The following ATRNL1 variants were observed in gnomAD, a reference collection of about 807,000 sequenced individuals.
The protein encoded by ATRNL1 is attractin like 1, also known as attractin-like protein 1.
A neutral mutation model predicts 182.7 loss-of-function variants in ATRNL1; 95 were observed. That is an observed-to-expected ratio of 0.52 (90% CI 0.44 to 0.62). The LOEUF is 0.62. ATRNL1 is among the 20% of genes least tolerant of loss of function. ATRNL1 has a pLI of 0.00. For synonymous variants in ATRNL1, 576 were observed against 568.3 expected (o/e 1.01, Z -0.19); for missense variants, 1,471 against 1,679.5 (o/e 0.88, Z 2.17).
intron 26 of ATRNL1, among the ~76,000 whole-genome samples, chr10:115,643,558 T>G (rs1775242166): frequency 6.6e-6 from 1 of 152,060 alleles, no homozygotes; most frequent in Non-Finnish European, 1.5e-5. Flanking sequence ...ACAAAGAACT[T>G]GAATCTAAAA....
At chr10:115,221,268 G>C (rs1469343473) in intron 9 of ATRNL1, among the ~76,000 whole-genome samples, 3 of 152,146 alleles carry the variant, frequency 2.0e-5, no homozygotes, top group Non-Finnish European at 4.4e-5. Context: ...TGAGAACCCT[G>C]GGATTATATT....
At chr10:115,526,403 C>T (rs1419199852) in intron 25 of ATRNL1, among the ~76,000 whole-genome samples, 1 of 152,202 alleles carries the variant, frequency 6.6e-6, no homozygotes, top group Non-Finnish European at 1.5e-5. Flanking sequence ...GGCCTTCAGT[C>T]TCTCATTATC....
chr10:115,442,303 C>CTCTCTCTCTCTCTCTCTCTATG (rs782157017), intron 21 of ATRNL1, among the ~76,000 whole-genome samples: 1 of 123,766 alleles, frequency 8.1e-6, no homozygotes, highest in Non-Finnish European at 1.7e-5. Flanking sequence ...CTCTCTCTCT[C>CTCTCTCTCTCTCTCTCTCTATG]TGTGTGTATG....
chr10:115,176,154 GTTGT>G (rs374001400), intron 8 of ATRNL1, among the ~76,000 whole-genome samples: 1 of 151,872 alleles, frequency 6.6e-6, no homozygotes, highest in African/African-American at 2.4e-5. Flanking sequence ...TTTTGATGGG[GTTGT>G]TTTTTTCTTG....
chr10:115,714,341 A>AC (rs1947182417), intron 26 of ATRNL1, among the ~76,000 whole-genome samples: 1 of 151,594 alleles, frequency 6.6e-6, no homozygotes, highest in Non-Finnish European at 1.5e-5. Context: ...AAAAAAAAAA[A>AC]CTCAGCAAAG....
chr10:115,801,815 A>G (rs541356474), intron 27 of ATRNL1, among the ~76,000 whole-genome samples: 3 of 152,302 alleles, frequency 2.0e-5, no homozygotes, highest in Non-Finnish European at 4.4e-5. Context: ...AAATTCATTT[A>G]AAGGAATATT....
At chr10:115,656,512 G>A (rs1390450647) in intron 26 of ATRNL1, among the ~76,000 whole-genome samples, 7 of 152,146 alleles carry the variant, frequency 4.6e-5, no homozygotes, top group African/African-American at 1.2e-4. Flanking sequence ...GTGTGAGTGC[G>A]CCCTGCAAAG....
chr10:115,228,015 C>T (rs1468652816), intron 9 of ATRNL1, among the ~76,000 whole-genome samples: 1 of 151,986 alleles, frequency 6.6e-6, no homozygotes, highest in Non-Finnish European at 1.5e-5. Flanking sequence ...TTGAACTATA[C>T]ACTTAAGATT....
chr10:115,117,406 G>A (rs533190579), intron 1 of ATRNL1, among the ~76,000 whole-genome samples: 3 of 151,662 alleles, frequency 2.0e-5, no homozygotes, highest in Admixed American at 1.3e-4. Flanking sequence ...TTCTCCATGG[G>A]TTCAATTGTT....
chr10:115,607,947 G>T (rs1393663918), intron 26 of ATRNL1, among the ~76,000 whole-genome samples: 1 of 151,802 alleles, frequency 6.6e-6, no homozygotes, highest in Admixed American at 6.6e-5. Context: ...ATTGTTTATA[G>T]ATTTTCAATT....
At chr10:115,418,853 T>G (rs1554961367) in intron 20 of ATRNL1, among the ~76,000 whole-genome samples, 2 of 152,140 alleles carry the variant, frequency 1.3e-5, no homozygotes, top group African/African-American at 2.4e-5. Context: ...AGAAAAGGTG[T>G]ATTTTAAAAA....
intron 26 of ATRNL1, among the ~76,000 whole-genome samples, chr10:115,553,271 A>G (rs782050616): frequency 7.9e-5 from 12 of 151,332 alleles, no homozygotes; most frequent in Non-Finnish European, 1.6e-4. Context: ...CTTTAACTGC[A>G]AAATCTGTAG....
In ATRNL1 at chr10:115,335,795, T is replaced by C. The variant is rs140642182; in HGVS notation, c.3175+1376T>C. Among the ~76,000 whole-genome samples, 763 of 152,300 alleles carry C rather than the reference T, an allele frequency of 5.0e-3. 3 individuals carry two copies. The highest frequency in any genetic ancestry group is 0.016 in the African/African-American group (674 of 41,584). On this transcript the variant is annotated intron_variant, in intron 19 of 28. Transcript: ENST00000355044. ...TCATTCACATGGATTCAAAGTATAC[T>C]TGGTGCATGGCAAATATAAATTTTA...
At chr10:115,845,500 C>T (rs781858058) in intron 27 of ATRNL1, among the ~76,000 whole-genome samples, 2 of 151,934 alleles carry the variant, frequency 1.3e-5, no homozygotes, top group Non-Finnish European at 2.9e-5. Flanking sequence ...TTTTTTTCTC[C>T]GTTGATGCTG....
At chr10:115,574,019 C>T (rs1854560401) in intron 26 of ATRNL1, among the ~76,000 whole-genome samples, 1 of 152,150 alleles carries the variant, frequency 6.6e-6, no homozygotes, top group East Asian at 1.9e-4. Flanking sequence ...ATCTAAACTT[C>T]TGTAAACCAC....
rs891254179 is a variant in ATRNL1, at chr10:115,737,063, T to C, written c.3903+9708T>C. 4.3e-4 allele frequency among the ~76,000 whole-genome samples: 65 copies of C among 152,206 alleles called. 1 individual carries two copies. Among genetic ancestry groups the C allele is most frequent in the African/African-American group, 1.6e-3 (65 of 41,548 alleles). ...CCTCTCCAGTTTTATCTGGTTGCCT[T>C]GGAGCAGTTTTATCTGGTTGCCTTG... On this transcript the variant is annotated intron_variant, in intron 27 of 28. Coordinates refer to ENST00000355044, the MANE Select transcript of ATRNL1 (RefSeq NM_207303.4).
At chr10:115,884,765 G>C (rs1397487347) in intron 28 of ATRNL1, among the ~76,000 whole-genome samples, 1 of 152,080 alleles carries the variant, frequency 6.6e-6, no homozygotes, top group Non-Finnish European at 1.5e-5. Context: ...AAATATCCCA[G>C]GTACCTGGGA....
chr10:115,309,156 A>G (rs1367380598), intron 17 of ATRNL1, among the ~76,000 whole-genome samples: 1 of 152,022 alleles, frequency 6.6e-6, no homozygotes, highest in Non-Finnish European at 1.5e-5. Context: ...TACAAATACT[A>G]TGATGTTTTG....
intron 18 of ATRNL1, among the ~76,000 whole-genome samples, chr10:115,331,208 C>T (rs560092342): frequency 7.9e-4 from 120 of 152,056 alleles, no homozygotes; most frequent in Admixed American, 3.2e-3. Flanking sequence ...TACAGGCGCC[C>T]GCCACCAAGC....
Sources: allele counts gnomAD v4.1 joint callset (sites outside exome capture counted in the v4.1 genomes callset), GRCh38; gene constraint gnomAD v4.1.1; transcripts MANE v1.5; gene names NCBI Gene and HGNC (gene_info 2026-07-23, HGNC 2026-07-21).